SRSF4: variants seen among roughly 807,000 people sequenced by gnomAD.
The protein encoded by SRSF4 is serine/arginine-rich splicing factor 4.
Under a neutral mutation model 48.8 loss-of-function variants are expected in SRSF4, and 12 were observed. The observed-to-expected ratio is 0.25, with a 90% CI of 0.16 to 0.40. SRSF4 has a LOEUF of 0.40. SRSF4 is among the 10% of genes least tolerant of loss of function. The pLI, the probability that SRSF4 is intolerant of heterozygous loss-of-function variation, is 1.00. For missense variants in SRSF4, 466 were observed against 667.1 expected (o/e 0.70, Z 3.32); for synonymous variants, 248 against 232.5 (o/e 1.07, Z -0.61).
At position 29,148,576 on chromosome 1, in the gene SRSF4, G is replaced by A; in HGVS notation, c.1319C>T (p.Thr440Ile). The change falls in exon 6 of 6, where the codon ACC becomes ATC. Residue 440 changes from threonine to isoleucine, a missense_variant. Transcript: ENST00000373795. Reference protein sequence around the residue: ...ESENAGTNQETRSRSRSNSKS... With the variant: ...ESENAGTNQEIRSRSRSNSKS... ...GGAATTGGATCTCGACCTGGACCGGGTCTCCTGATTGGTGCCAGCATTCTC... is the reference window on the plus strand; with the variant it reads ...GGAATTGGATCTCGACCTGGACCGGATCTCCTGATTGGTGCCAGCATTCTC... 1 of 1,614,068 alleles carries A rather than the reference G, an allele frequency of 6.2e-7. No individual in the cohort carries two copies. The highest frequency in any genetic ancestry group is 8.5e-7 in the Non-Finnish European group (1 of 1,180,004).
intron 1 of SRSF4, among the ~76,000 whole-genome samples, chr1:29,178,301 T>G (rs1672900380): frequency 6.6e-6 from 1 of 151,710 alleles, no homozygotes; most frequent in African/African-American, 2.4e-5. Context: ...ACTCCAGCAA[T>G]TCTTCAAAGA....
chr1:29,172,172 A>G (rs1002421403), intron 1 of SRSF4: 1 of 152,230 alleles, frequency 6.6e-6, no homozygotes, highest in Non-Finnish European at 1.5e-5. Context: ...TCACATTTGT[A>G]ATAGTTATAT....
intron 5 of SRSF4, among the ~76,000 whole-genome samples, chr1:29,149,693 AAAAAAAAAAAAAG>A (rs1418000337): frequency 1.6e-5 from 2 of 127,936 alleles, no homozygotes; most frequent in Non-Finnish European, 3.7e-5. Context: ...GGGGGGAAAA[AAAAAAAAAAAAAG>A]AAAAAGAAGC....
chr1:29,169,438 T>C (rs1233982927), intron 1 of SRSF4: 1 of 152,238 alleles, frequency 6.6e-6, no homozygotes, highest in Non-Finnish European at 1.5e-5. Flanking sequence ...ATAAGCATCT[T>C]ATGAGAAAGA....
intron 1 of SRSF4, among the ~76,000 whole-genome samples, chr1:29,179,553 G>A (rs1672922972): frequency 6.6e-6 from 1 of 152,052 alleles, no homozygotes; most frequent in African/African-American, 2.4e-5. Flanking sequence ...CTTAGAGATG[G>A]GGTCAGGCTG....
intron 4 of SRSF4, among the ~76,000 whole-genome samples, chr1:29,153,663 C>T (rs1418731632): frequency 1.3e-5 from 2 of 148,160 alleles, no homozygotes; most frequent in East Asian, 2.0e-4. Context: ...TGCAACGGTG[C>T]GCTTGGCTCA....
rs1243298730 is a variant in SRSF4 at position 29,147,926 on chromosome 1, T to C, written c.*484A>G. On this transcript the variant is annotated 3_prime_UTR_variant, in exon 6 of 6. Transcript: ENST00000373795. ...TATTTCCTATGGGTTACTGCAGGTA[T>C]CAATTTTCCTCGACTGTGCTATTCA... 3 of 356,662 alleles carry C rather than the reference T, an allele frequency of 8.4e-6. No individual in the cohort carries two copies. The highest frequency in any genetic ancestry group is 2.1e-5 in the South Asian group (1 of 46,724). The allele number at this position is 356,662 out of a possible 1,614,324, so 22.1% of individuals were successfully genotyped here. A position where few individuals can be genotyped will look rare whatever the true frequency, so the allele number is the denominator to read the frequency against.
At chr1:29,161,996 C>T (rs562942754) in intron 1 of SRSF4, among the ~76,000 whole-genome samples, 3 of 152,324 alleles carry the variant, frequency 2.0e-5, no homozygotes, top group Admixed American at 2.0e-4. Flanking sequence ...TTTCATACAA[C>T]AGTCTCTCAA....
chr1:29,149,048 C>T lies in SRSF4; in HGVS notation c.847G>A (p.Val283Ile). 1 of 1,613,592 alleles carries T rather than the reference C, an allele frequency of 6.2e-7. No homozygotes were observed. Among genetic ancestry groups the T allele is most frequent in the South Asian group, 1.1e-5 (1 of 91,062 alleles). ...AEEKIQNNDNVGKPKSRSPSR... is the reference protein window; with the variant it reads ...AEEKIQNNDNIGKPKSRSPSR... ...GGACTCCGGCTCTTGGGTTTCCCGA[C>T]ATTGTCATTGTTTTGGATCTTCTCT... Residue 283 changes from valine (V) to isoleucine (I), a missense_variant, in exon 6 of 6, where the codon GTC (valine) becomes ATC (isoleucine). Val to Ile is a conservative substitution (Grantham distance 29). Around this residue, in one of 2 missense-constraint regions of SRSF4, gnomAD observed 402 missense variants for 437.0 expected, o/e 0.92. Coordinates refer to ENST00000373795, the MANE Select transcript of SRSF4 (RefSeq NM_005626.5).
At chr1:29,181,576 G>C (rs944787961) in intron 1 of SRSF4, 70 bp downstream of exon 1, 2 of 1,344,888 alleles carry the variant, frequency 1.5e-6, no homozygotes, top group African/African-American at 1.5e-5. Flanking sequence ...TCCCTCTCCC[G>C]TCCCCGCGGC....
intron 1 of SRSF4, among the ~76,000 whole-genome samples, chr1:29,177,432 C>G (rs1170758777): frequency 6.6e-6 from 1 of 152,104 alleles, no homozygotes; most frequent in African/African-American, 2.4e-5. Flanking sequence ...CAGGCATGTG[C>G]CACGACGCCC....
chr1:29,150,151 C>T lies in SRSF4; in HGVS notation c.620G>A (p.Arg207Gln), dbSNP rs1034723770. ...RSRHSRKSRS[R>Q]SGSSKSSHSK... is the part of the protein sequence containing the mutation. ...ATGACTGCTTTTGCTGCTGCCACTTCGGCTTCTGCTCTTACGGGAATGTCT... is the reference window on the plus strand; with the variant it reads ...ATGACTGCTTTTGCTGCTGCCACTTTGGCTTCTGCTCTTACGGGAATGTCT... The change falls in exon 5 of 6, where the codon CGA becomes CAA. Residue 207 changes from arginine (R) to glutamine (Q), a missense_variant. Transcript: ENST00000373795. 7.4e-6 allele frequency: 12 copies of T among 1,613,994 alleles called. No homozygotes were observed. The highest frequency in any genetic ancestry group is 3.3e-5 in the South Asian group (3 of 91,080).
Position 29,147,948 on chromosome 1 carries a change from T to C in SRSF4, c.*462A>G, listed in dbSNP as rs1019111986. ...GTATCAATTTTCCTCGACTGTGCTA[T>C]TCACAACTTTGTTAAGTCCAAAAAT... On this transcript the variant is annotated 3_prime_UTR_variant, in exon 6 of 6. Coordinates refer to ENST00000373795, the MANE Select transcript of SRSF4 (RefSeq NM_005626.5). The C allele has an allele frequency of 5.0e-6, 2 of 402,870 alleles. No homozygotes were observed. The highest frequency in any genetic ancestry group is 4.1e-5 in the African/African-American group (2 of 48,470). 25.0% of individuals were successfully genotyped at this position (402,870 alleles called of 1,614,324 possible). A position where few individuals can be genotyped will look rare whatever the true frequency, so the allele number is the denominator to read the frequency against.
rs746649148 is a variant in SRSF4, at chr1:29,181,898, C to G, written c.-146G>C. ...CGAACCCCGGCGACGTACGCGAGCA[C>G]GCAGCTCGCGAGCGCGCGCTTCCAC... On this transcript the variant is annotated 5_prime_UTR_variant, in exon 1 of 6. Transcript: ENST00000373795. 3 of 535,920 alleles carry G rather than the reference C, an allele frequency of 5.6e-6. No individual in the cohort carries two copies. The highest frequency in any genetic ancestry group is 5.8e-6 in the Non-Finnish European group (2 of 342,746). 33.2% of individuals were successfully genotyped at this position (535,920 alleles called of 1,614,324 possible). A position where few individuals can be genotyped will look rare whatever the true frequency, so the allele number is the denominator to read the frequency against.
chr1:29,170,361 C>T (rs1304304564), intron 1 of SRSF4: 1 of 152,198 alleles, frequency 6.6e-6, no homozygotes, highest in Admixed American at 6.5e-5. Flanking sequence ...AAGGTTTACA[C>T]TCTGCAGACA....
chr1:29,156,758 G>A (rs916648013), intron 3 of SRSF4, among the ~76,000 whole-genome samples: 3 of 151,818 alleles, frequency 2.0e-5, no homozygotes, highest in Non-Finnish European at 2.9e-5. Flanking sequence ...AACACCACCC[G>A]TAGGGTACCC....
At position 29,181,871 on chromosome 1, in the gene SRSF4, G is replaced by A. The variant is rs1218359753; in HGVS notation, c.-119C>T. Reference sequence around the variant, plus strand: ...ACGGGCGGGCGGCGGGACGGACGCAGCCGAACCCCGGCGACGTACGCGAGC... The same window carrying A: ...ACGGGCGGGCGGCGGGACGGACGCAACCGAACCCCGGCGACGTACGCGAGC... On this transcript the variant is annotated 5_prime_UTR_variant, in exon 1 of 6. Transcript: ENST00000373795. 8 of 760,344 alleles carry A rather than the reference G, an allele frequency of 1.1e-5. No individual in the cohort carries two copies. Among genetic ancestry groups the A allele is most frequent in the Non-Finnish European group, 1.5e-5 (8 of 536,630 alleles). The allele number at this position is 760,344 out of a possible 1,614,324, so 47.1% of individuals were successfully genotyped here.
chr1:29,148,205 G>T lies in SRSF4; in HGVS notation c.*205C>A. 1 of 771,230 alleles carries T rather than the reference G, an allele frequency of 1.3e-6. No homozygotes were observed. The highest frequency in any genetic ancestry group is 1.5e-5 in the South Asian group (1 of 67,994). The allele number at this position is 771,230 out of a possible 1,614,324, so 47.8% of individuals were successfully genotyped here. A position where few individuals can be genotyped will look rare whatever the true frequency, so the allele number is the denominator to read the frequency against. ...CCATGAGTAAAAGGGGATTTTCAAA[G>T]AGAAAATTTTTTTCAGTCGAGCAGG... On this transcript the variant is annotated 3_prime_UTR_variant, in exon 6 of 6. Coordinates refer to ENST00000373795, the MANE Select transcript of SRSF4 (RefSeq NM_005626.5).
intron 4 of SRSF4, among the ~76,000 whole-genome samples, chr1:29,153,188 G>C (rs1672441462): frequency 6.6e-6 from 1 of 152,082 alleles, no homozygotes; most frequent in South Asian, 2.1e-4. Context: ...CTGGAGTATA[G>C]TGGAGTGATC....
Sources: gnomAD v4.1 joint callset for allele counts (sites outside exome capture counted in the v4.1 genomes callset) on GRCh38, gnomAD v4.1.1 for gene constraint, gnomAD v4.1.1 regional missense constraint, MANE v1.5 for transcripts, NCBI Gene and HGNC (gene_info 2026-07-23, HGNC 2026-07-21) for gene names.